Variants in RPS9 observed in about 807,000 individuals in gnomAD.
RPS9 encodes small ribosomal subunit protein uS4.
RPS9 carries 1 observed loss-of-function variant against 16.9 expected under a neutral mutation model. The ratio of observed to expected loss-of-function variants is 0.06; its 90% CI spans 0.02 to 0.28. RPS9 has a LOEUF of 0.28. Among genes scored for constraint, RPS9 ranks in the 10% least tolerant of loss-of-function variants. The pLI is 1.00. For synonymous variants in RPS9, 106 were observed against 110.9 expected (o/e 0.96, Z 0.28); for missense variants, 137 against 273.2 (o/e 0.50, Z 3.51).
At chr19:54,207,003 G>A (rs2077264937) in intron 4 of RPS9, 8 of 430,418 alleles carry the variant, frequency 1.9e-5, no homozygotes, top group Non-Finnish European at 2.5e-5. Context: ...TGCTTTCGTC[G>A]GAGACGTAGC....
chr19:54,206,006 C>T (rs746392169), intron 3 of RPS9, among the ~76,000 whole-genome samples: 10 of 152,146 alleles, frequency 6.6e-5, no homozygotes, highest in African/African-American at 1.4e-4. Context: ...TTAGTGGAGA[C>T]GGGCTTTCGC....
chr19:54,201,354 G>A (rs2077043530), intron 2 of RPS9, 73 bp downstream of exon 2: 10 of 1,611,728 alleles, frequency 6.2e-6, no homozygotes, highest in Admixed American at 1.7e-5. Context: ...AGGTGCCCAT[G>A]TACTCTATCT....
intron 2 of RPS9, 52 bp downstream of exon 2, chr19:54,201,333 C>T: frequency 6.2e-7 from 1 of 1,613,310 alleles, no homozygotes; most frequent in Non-Finnish European, 8.5e-7. Flanking sequence ...AGGCGGTTAG[C>T]ACGTGGATGA....
In RPS9 at chr19:54,206,262, C is replaced by T. The variant is rs1045931107; in HGVS notation, c.221-14C>T. Reference sequence around the variant, plus strand: ...TCAGAAGGCGGAATCAGTGTTTCCTCCCACTCTTCCCAGGCAACGCCCTGC... The same window carrying T: ...TCAGAAGGCGGAATCAGTGTTTCCTTCCACTCTTCCCAGGCAACGCCCTGC... On this transcript the variant is annotated splice_polypyrimidine_tract_variant and intron_variant, in intron 3 of 4. Transcript: ENST00000302907. 1.9e-6 allele frequency: 3 copies of T among 1,609,418 alleles called. No homozygotes were observed. The highest frequency in any genetic ancestry group is 1.7e-6 in the Non-Finnish European group (2 of 1,176,352).
In RPS9 at chr19:54,201,488, C is replaced by T. The variant is rs772740459; in HGVS notation, c.99C>T (p.Gly33=). The stretch of plus-strand genomic sequence containing the variant: ...TGTCCACCCCCTTCTCCCCACCAGG[C>T]GAGTATGGGCTCCGGAACAAACGTG... ...SRLDQELKLI[G]EYGLRNKREV... is the part of the protein sequence containing the mutation. The change falls in exon 3 of 5, where the codon GGC becomes GGT. Residue 33 remains glycine, a splice_region_variant and synonymous_variant. Coordinates refer to ENST00000302907, the MANE Select transcript of RPS9 (RefSeq NM_001013.4). 3 of 1,613,990 alleles carry T rather than the reference C, an allele frequency of 1.9e-6. No individual in the cohort carries two copies. Among genetic ancestry groups the T allele is most frequent in the Non-Finnish European group, 2.5e-6 (3 of 1,179,962 alleles).
At chr19:54,204,062 T>G (rs1422935557) in intron 3 of RPS9, among the ~76,000 whole-genome samples, 5 of 152,178 alleles carry the variant, frequency 3.3e-5, no homozygotes, top group Non-Finnish European at 7.3e-5. Context: ...GACTCTCCTG[T>G]TCTTTTTCAG....
In RPS9 at chr19:54,203,312, T is replaced by C. The variant is rs1341407947; in HGVS notation, c.220+1703T>C. The stretch of plus-strand genomic sequence containing the variant: ...TTCTAGTAAATGAAGCCATCTAGCC[T>C]AGTCAGGGACAGGAAGGAGGAGCTT... On this transcript the variant is annotated intron_variant, in intron 3 of 4. Transcript: ENST00000302907. The C allele has an allele frequency of 3.0e-6, 3 of 985,198 alleles. No homozygotes were observed. In the African/African-American group the frequency reaches 5.2e-5, roughly 17 times the overall value. The allele number at this position is 985,198 out of a possible 1,614,324, so 61.0% of individuals were successfully genotyped here.
chr19:54,202,935 T>G (rs2077110562), intron 3 of RPS9: 1 of 969,320 alleles, frequency 1.0e-6, no homozygotes, highest in Non-Finnish European at 1.2e-6. Context: ...TAACCTCAAG[T>G]GATCCATCCA....
At chr19:54,204,251 G>T (rs1177891482) in intron 3 of RPS9, among the ~76,000 whole-genome samples, 1 of 152,150 alleles carries the variant, frequency 6.6e-6, no homozygotes, top group East Asian at 1.9e-4. Context: ...GGGCGTGGTG[G>T]CGCATGCCTT....
intron 4 of RPS9, 21 bp from the exon 5 acceptor site, chr19:54,207,377 T>G (rs771080509): frequency 6.3e-7 from 1 of 1,595,044 alleles, no homozygotes; most frequent in South Asian, 1.1e-5. Context: ...CCAGTCCACC[T>G]CACCTTGTCG....
Position 54,207,527 on chromosome 19 carries a change from G to A in RPS9, c.537G>A (p.Lys179=), listed in dbSNP as rs11003. The A allele has an allele frequency of 6.2e-7, 1 of 1,612,736 alleles. No homozygotes were observed. The highest frequency in any genetic ancestry group is 2.2e-5 in the East Asian group (1 of 44,882). The change falls in exon 5 of 5, where the codon AAG becomes AAA. Residue 179 remains lysine, a synonymous_variant. Coordinates refer to ENST00000302907, the MANE Select transcript of RPS9 (RefSeq NM_001013.4). The part of the protein sequence containing the change: ...RPGRVKRKNA[K]KGQGGAGAGD... ...GCCGCGTGAAGAGGAAGAATGCCAA[G>A]AAGGGCCAGGGTGGGGCTGGGGCTG...
intron 3 of RPS9, among the ~76,000 whole-genome samples, chr19:54,205,639 A>T (rs1010016227): frequency 1.8e-4 from 27 of 152,018 alleles, no homozygotes; most frequent in African/African-American, 6.3e-4. Flanking sequence ...GCTTAATAGC[A>T]GCTGCATTTG....
Position 54,201,482 on chromosome 19 carries a change from A to T in RPS9, c.98-5A>T. 5.0e-6 allele frequency: 8 copies of T among 1,613,876 alleles called. No homozygotes were observed. Among genetic ancestry groups the T allele is most frequent in the Non-Finnish European group, 6.8e-6 (8 of 1,179,936 alleles). On this transcript the variant is annotated splice_region_variant and splice_polypyrimidine_tract_variant and intron_variant, in intron 2 of 4. Coordinates refer to ENST00000302907, the MANE Select transcript of RPS9 (RefSeq NM_001013.4). The stretch of plus-strand genomic sequence containing the variant: ...TACACTTGTCCACCCCCTTCTCCCC[A>T]CCAGGCGAGTATGGGCTCCGGAACA...
chr19:54,204,500 C>T (rs1232629474), intron 3 of RPS9, among the ~76,000 whole-genome samples: 2 of 152,202 alleles, frequency 1.3e-5, no homozygotes, highest in African/African-American at 4.8e-5. Flanking sequence ...ACCTCCTGTG[C>T]TTAAGTGATC....
At position 54,201,300 on chromosome 19, in the gene RPS9, C is replaced by T. The variant is rs2077040589; in HGVS notation, c.97+19C>T. 1 of 1,613,878 alleles carries T rather than the reference C, an allele frequency of 6.2e-7. No individual in the cohort carries two copies. The highest frequency in any genetic ancestry group is 8.5e-7 in the Non-Finnish European group (1 of 1,179,904). ...CTGATCGGTGAGTGGCCAAGGCTTCCGGGAAGTGGTTCGGCTTCCGGGAGG... is the reference window on the plus strand; with the variant it reads ...CTGATCGGTGAGTGGCCAAGGCTTCTGGGAAGTGGTTCGGCTTCCGGGAGG... On this transcript the variant is annotated intron_variant, in intron 2 of 4. Transcript: ENST00000302907.
intron 3 of RPS9, 57 bp downstream of exon 3, chr19:54,201,666 T>A (rs2077057427): frequency 1.2e-6 from 2 of 1,604,060 alleles, no homozygotes; most frequent in Non-Finnish European, 1.7e-6. Context: ...AGGTTCATTC[T>A]CCCTTCTGTT....
At position 54,206,382 on chromosome 19, in the gene RPS9, C is replaced by A. The variant is rs533433659; in HGVS notation, c.327C>A (p.Arg109=). The A allele has an allele frequency of 6.2e-7, 1 of 1,614,230 alleles. No homozygotes were observed. The highest frequency in any genetic ancestry group is 1.3e-5 in the African/African-American group (1 of 75,060). ...AGATAGAGGATTTCTTAGAGAGACG[C>A]CTGCAGACCCAGGTCTTCAAGCTGG... ...GLKIEDFLER[R]LQTQVFKLGL... is the part of the protein sequence containing the mutation. Residue 109 remains arginine, a synonymous_variant, in exon 4 of 5, where the codon CGC becomes CGA. Transcript: ENST00000302907.
chr19:54,201,884 ATATCTTTATATTCTGTTTATG>A (rs1455675162), intron 3 of RPS9: 9 of 523,328 alleles, frequency 1.7e-5, no homozygotes, highest in Non-Finnish European at 2.3e-5. Context: ...GCACCCGTCT[ATATCTTTATATTCTGTTTATG>A]TGGCCTGTTT....
In RPS9 at chr19:54,201,178, A is replaced by C; in HGVS notation, c.-7A>C. 5 of 1,613,534 alleles carry C rather than the reference A, an allele frequency of 3.1e-6. No homozygotes were observed. Among genetic ancestry groups the C allele is most frequent in the Non-Finnish European group, 4.2e-6 (5 of 1,179,994 alleles). On this transcript the variant is annotated 5_prime_UTR_variant, in exon 2 of 5. Coordinates refer to ENST00000302907, the MANE Select transcript of RPS9 (RefSeq NM_001013.4). ...CGCGCAGGCGCAGACGGGGAAGCGGAGCCAACATGCCAGTGGCCCGGAGCT... is the reference window on the plus strand; with the variant it reads ...CGCGCAGGCGCAGACGGGGAAGCGGCGCCAACATGCCAGTGGCCCGGAGCT...
Sources: gnomAD v4.1 joint callset for allele counts (sites outside exome capture counted in the v4.1 genomes callset) on GRCh38, gnomAD v4.1.1 for gene constraint, MANE v1.5 for transcripts, NCBI Gene and HGNC (gene_info 2026-07-23, HGNC 2026-07-21) for gene names.